RIC3: variants seen among roughly 807,000 people sequenced by gnomAD.
RIC3 encodes the protein RIC3 acetylcholine receptor chaperone.
RIC3 carries 28 observed loss-of-function variants against 27.3 expected under a neutral mutation model. The ratio of observed to expected loss-of-function variants is 1.02; its 90% CI spans 0.76 to 1.41. The LOEUF is 1.41. Among genes scored for constraint, RIC3 ranks in the 40% most tolerant of loss-of-function variants. The pLI is 0.00. For synonymous variants in RIC3, 184 were observed against 160.4 expected (o/e 1.15, Z -1.11); for missense variants, 501 against 444.7 (o/e 1.13, Z -1.14).
At chr11:8,159,876 C>T (rs1447372831) in intron 1 of RIC3, among the ~76,000 whole-genome samples, 1 of 152,036 alleles carries the variant, frequency 6.6e-6, no homozygotes, top group Non-Finnish European at 1.5e-5. Context: ...TGCCTGTAAT[C>T]CCAGCTTCTC....
chr11:8,100,528 G>A, the RIC3 span: 3 of 1,614,004 alleles, frequency 1.9e-6, no homozygotes, highest in Non-Finnish European at 1.7e-6. Context: ...GGCTTCAAGG[G>A]GCCTCGGAAG....
At chr11:8,095,556 G>A in the RIC3 span, 4 of 1,613,176 alleles carry the variant, frequency 2.5e-6, no homozygotes, top group Admixed American at 5.0e-5. Context: ...GCCCAGTGCA[G>A]ATTCTGACTG....
the RIC3 span, chr11:8,100,443 C>T: frequency 1.2e-5 from 16 of 1,350,182 alleles, no homozygotes; most frequent in Non-Finnish European, 1.5e-5. Flanking sequence ...CCGTCCCCCC[C>T]ACCTTCTCCA....
intron 1 of RIC3, among the ~76,000 whole-genome samples, chr11:8,154,674 A>C (rs965863491): frequency 2.0e-5 from 3 of 152,186 alleles, no homozygotes; most frequent in Non-Finnish European, 4.4e-5. Flanking sequence ...TTTTCTGCTG[A>C]TAAACATTTA....
At chr11:8,151,792 T>C (rs1472704056) in intron 1 of RIC3, among the ~76,000 whole-genome samples, 1 of 151,244 alleles carries the variant, frequency 6.6e-6, no homozygotes, top group Non-Finnish European at 1.5e-5. Flanking sequence ...GGTGCATGCC[T>C]GTAATTCCAG....
intron 5 of RIC3, among the ~76,000 whole-genome samples, chr11:8,118,781 G>C (rs375500666): frequency 6.6e-6 from 1 of 151,446 alleles, no homozygotes; most frequent in Non-Finnish European, 1.5e-5. Context: ...TGAAGCATGA[G>C]AATCACTTGA....
At chr11:8,112,918 G>C (rs1238805661) in intron 5 of RIC3, among the ~76,000 whole-genome samples, 1 of 152,190 alleles carries the variant, frequency 6.6e-6, no homozygotes, top group African/African-American at 2.4e-5. Flanking sequence ...CTAGACCAAA[G>C]GGAATGGACA....
rs59248468 is a variant in RIC3, at chr11:8,163,018, A to AACACACACACACACACAC, written c.124+5830_124+5847dup. Among the ~76,000 whole-genome samples the AACACACACACACACACAC allele has an allele frequency of 8.8e-3, 1,196 of 135,972 alleles. 11 individuals are homozygous for AACACACACACACACACAC. The highest frequency in any genetic ancestry group is 0.012 in the South Asian group (47 of 4,022). The allele number at this position is 135,972 out of a possible 152,430, so 89.2% of individuals were successfully genotyped here. On this transcript the variant is annotated intron_variant, in intron 1 of 5. Coordinates refer to ENST00000309737, the MANE Select transcript of RIC3 (RefSeq NM_001206671.4). ...CCTTCTTTTTCATCTGGATTATTTA[A>AACACACACACACACACAC]ACACACACACACACACACACACACA...
At chr11:8,125,840 A>G (rs1346964328) in intron 5 of RIC3, among the ~76,000 whole-genome samples, 1 of 152,148 alleles carries the variant, frequency 6.6e-6, no homozygotes, top group Non-Finnish European at 1.5e-5. Flanking sequence ...GGAGTTTGAG[A>G]CCAGCCTGGC....
intron 1 of RIC3, among the ~76,000 whole-genome samples, chr11:8,154,898 G>T (rs114902954): frequency 2.6e-5 from 4 of 152,110 alleles, no homozygotes; most frequent in Admixed American, 1.3e-4. Flanking sequence ...AAGGGAACAT[G>T]ACTAAATCCT....
At chr11:8,128,248 G>A (rs1947223955) in intron 4 of RIC3, 1 of 457,124 alleles carries the variant, frequency 2.2e-6, no homozygotes, top group Non-Finnish European at 4.4e-6. Flanking sequence ...GTCTCTTCAG[G>A]CGGCACATGT....
At chr11:8,140,243 C>T in intron 1 of RIC3, 50 bp from the exon 2 acceptor site, 1 of 1,517,946 alleles carries the variant, frequency 6.6e-7, no homozygotes, top group Non-Finnish European at 8.9e-7. Context: ...TTAAAGATGG[C>T]TATCATGAAA....
rs1444718310 is a variant in RIC3, at chr11:8,107,964, TATATACAC to T, written c.*2726_*2733del. ...CCCATGATTTTGTCATCCTGGGTTGTATATACACATATAACTGTCATCCCCGAAGGATA... is the reference window on the plus strand; with the variant it reads ...CCCATGATTTTGTCATCCTGGGTTGTATATAACTGTCATCCCCGAAGGATA... On this transcript the variant is annotated 3_prime_UTR_variant, in exon 6 of 6. Coordinates refer to ENST00000309737, the MANE Select transcript of RIC3 (RefSeq NM_001206671.4). 1 of 152,204 alleles carries T rather than the reference TATATACAC, an allele frequency of 6.6e-6. No individual in the cohort carries two copies. Among genetic ancestry groups the T allele is most frequent in the Non-Finnish European group, 1.5e-5 (1 of 68,032 alleles). 9.4% of individuals were successfully genotyped at this position (152,204 alleles called of 1,614,324 possible).
At chr11:8,153,751 C>T (rs56296484) in intron 1 of RIC3, among the ~76,000 whole-genome samples, 13,076 of 152,160 alleles carry the variant, frequency 0.086, 647 homozygotes, top group Admixed American at 0.13. Flanking sequence ...TTAATACAAT[C>T]AGTATATATG....
rs993072644 is a variant in RIC3 at position 8,168,734 on chromosome 11, G to A, written c.124+132C>T. 12 of 1,329,520 alleles carry A rather than the reference G, an allele frequency of 9.0e-6. No homozygotes were observed. The African/African-American group carries it at 1.2e-4, about 13-fold the overall frequency. 82.4% of individuals were successfully genotyped at this position (1,329,520 alleles called of 1,614,324 possible). A position where few individuals can be genotyped will look rare whatever the true frequency, so the allele number is the denominator to read the frequency against. ...GGCATTGGCCCTTCAACGCCGTCTC[G>A]CCCGCCCTCTCCAGTCAGTTTGGTG... On this transcript the variant is annotated intron_variant, in intron 1 of 5. Transcript: ENST00000309737.
rs1944802030 is a variant in RIC3, at chr11:8,107,551, A to T, written c.*3147T>A. 1 of 152,180 alleles carries T rather than the reference A, an allele frequency of 6.6e-6. No homozygotes were observed. The allele number at this position is 152,180 out of a possible 1,614,324, so 9.4% of individuals were successfully genotyped here. A position where few individuals can be genotyped will look rare whatever the true frequency, so the allele number is the denominator to read the frequency against. ...AAGCTCCCTTTTTCCAAAGTGTTTG[A>T]ATTTGGACCTTAAGTTATTTGATCA... is the stretch of plus-strand genomic sequence containing the variant. On this transcript the variant is annotated 3_prime_UTR_variant, in exon 6 of 6. Transcript: ENST00000309737.
intron 4 of RIC3, among the ~76,000 whole-genome samples, chr11:8,127,612 A>G (rs1460775389): frequency 6.6e-6 from 1 of 152,230 alleles, no homozygotes; most frequent in Non-Finnish European, 1.5e-5. Context: ...TCTAGAGGAA[A>G]GCACTGCATC....
chr11:8,146,628 C>T (rs979208786), intron 1 of RIC3, among the ~76,000 whole-genome samples: 4 of 150,470 alleles, frequency 2.7e-5, no homozygotes, highest in Admixed American at 2.0e-4. Context: ...GTACCCAAGG[C>T]GGTTAGGGTG....
chr11:8,146,690 T>C (rs181193735), intron 1 of RIC3, among the ~76,000 whole-genome samples: 124 of 144,838 alleles, frequency 8.6e-4, no homozygotes, highest in Admixed American at 1.8e-3. Flanking sequence ...TCAAATACAT[T>C]GGTTTGGTCC....
Sources: gnomAD v4.1 joint callset for allele counts (sites outside exome capture counted in the v4.1 genomes callset) on GRCh38, gnomAD v4.1.1 for gene constraint, MANE v1.5 for transcripts, NCBI Gene and HGNC (gene_info 2026-07-23, HGNC 2026-07-21) for gene names.